Variants in DPH6 observed in about 807,000 individuals in gnomAD.
DPH6 encodes diphthamine biosynthesis 6.
DPH6 carries 33 observed loss-of-function variants against 38.2 expected under a neutral mutation model. That is an observed-to-expected ratio of 0.86 (90% confidence interval 0.65 to 1.15). DPH6 has a LOEUF of 1.15. DPH6 is among the 50% of genes most tolerant of loss of function. DPH6 has a pLI of 0.00. For synonymous variants in DPH6, 108 were observed against 103.0 expected (o/e 1.05, Z -0.30); for missense variants, 325 against 320.0 (o/e 1.02, Z -0.12).
At chr15:35,340,519 T>C (rs992023331) in intron 3 of DPH6, among the ~76,000 whole-genome samples, 1 of 152,110 alleles carries the variant, frequency 6.6e-6, no homozygotes, top group South Asian at 2.1e-4. Flanking sequence ...CTGGTAACAG[T>C]TTTTTCTTTC....
chr15:35,339,857 T>C (rs1161343389), intron 3 of DPH6, among the ~76,000 whole-genome samples: 2 of 152,188 alleles, frequency 1.3e-5, no homozygotes, highest in African/African-American at 4.8e-5. Flanking sequence ...GTACATTCTG[T>C]TGTTTTTAGG....
chr15:35,167,467 C>T, the DPH6 span, among the ~76,000 whole-genome samples: 2 of 151,364 alleles, frequency 1.3e-5, no homozygotes, highest in Non-Finnish European at 2.9e-5. Flanking sequence ...TAAAAAAGAA[C>T]CGCATTCATA....
chr15:35,520,342 T>A, intron 3 of DPH6: 1 of 983,558 alleles, frequency 1.0e-6, no homozygotes, highest in Non-Finnish European at 1.2e-6. Flanking sequence ...TTTTTCCTCA[T>A]AGACATGCAT....
chr15:35,333,318 A>G (rs1386011531), intron 3 of DPH6, among the ~76,000 whole-genome samples: 1 of 152,200 alleles, frequency 6.6e-6, no homozygotes, highest in Non-Finnish European at 1.5e-5. Flanking sequence ...GCAAAGGAGC[A>G]AAAGTATTAT....
intron 3 of DPH6, among the ~76,000 whole-genome samples, chr15:35,356,752 T>C (rs560804206): frequency 3.3e-5 from 5 of 152,312 alleles, no homozygotes; most frequent in African/African-American, 1.2e-4. Context: ...GAGGAGGCAG[T>C]CTGTCCATTC....
At chr15:35,403,930 C>A (rs1176090503) in intron 6 of DPH6, among the ~76,000 whole-genome samples, 1 of 150,802 alleles carries the variant, frequency 6.6e-6, no homozygotes, top group Non-Finnish European at 1.5e-5. Flanking sequence ...TCCATGAATT[C>A]AATTGTTTTG....
At chr15:35,191,755 C>A in the DPH6 span, among the ~76,000 whole-genome samples, 3 of 152,134 alleles carry the variant, frequency 2.0e-5, no homozygotes, top group Admixed American at 2.0e-4. Context: ...AACCCTCAGA[C>A]AATTGACTGA....
the DPH6 span, among the ~76,000 whole-genome samples, chr15:35,205,575 T>G: frequency 6.6e-6 from 1 of 152,120 alleles, no homozygotes; most frequent in Non-Finnish European, 1.5e-5. Context: ...AAATTTAGTA[T>G]AGAGTTTCTA....
intron 3 of DPH6, among the ~76,000 whole-genome samples, chr15:35,342,598 G>C (rs752275173): frequency 1.3e-5 from 2 of 152,218 alleles, no homozygotes; most frequent in African/African-American, 2.4e-5. Flanking sequence ...GACTGCAGCT[G>C]CTTCTAATTG....
chr15:35,440,746 A>C (rs1263087563), intron 5 of DPH6, among the ~76,000 whole-genome samples: 1 of 152,202 alleles, frequency 6.6e-6, no homozygotes, highest in Non-Finnish European at 1.5e-5. Flanking sequence ...GGGAGGAGCC[A>C]CCAGGAATAT....
At chr15:35,393,934 T>C (rs1425035551) in intron 6 of DPH6, among the ~76,000 whole-genome samples, 3 of 152,218 alleles carry the variant, frequency 2.0e-5, no homozygotes, top group African/African-American at 4.8e-5. Context: ...GTATGAGTAG[T>C]AGTTTTCTGG....
intron 3 of DPH6, among the ~76,000 whole-genome samples, chr15:35,352,925 C>T (rs2052527936): frequency 6.6e-6 from 1 of 152,226 alleles, no homozygotes; most frequent in Non-Finnish European, 1.5e-5. Flanking sequence ...TATTTCTCCA[C>T]ATCCTCTCCA....
chr15:35,414,978 C>T (rs946092550), intron 5 of DPH6, among the ~76,000 whole-genome samples: 1 of 151,796 alleles, frequency 6.6e-6, no homozygotes, highest in African/African-American at 2.4e-5. Flanking sequence ...ATTTCTGTTT[C>T]CCAACAGGAC....
intron 6 of DPH6, among the ~76,000 whole-genome samples, chr15:35,382,268 T>C (rs1440205628): frequency 6.6e-6 from 1 of 151,978 alleles, no homozygotes; most frequent in Non-Finnish European, 1.5e-5. Flanking sequence ...ACACCGTCTC[T>C]ACTAAAAATA....
At chr15:35,376,461 A>G (rs2140929521) in intron 7 of DPH6, among the ~76,000 whole-genome samples, 1 of 152,272 alleles carries the variant, frequency 6.6e-6, no homozygotes, top group African/African-American at 2.4e-5. Context: ...AAAAATTCCT[A>G]TCACCTAGTG....
intron 6 of DPH6, among the ~76,000 whole-genome samples, chr15:35,389,559 CTCT>C (rs1005064667): frequency 1.5e-4 from 23 of 152,212 alleles, no homozygotes; most frequent in African/African-American, 5.3e-4. Flanking sequence ...GGATAGTTAG[CTCT>C]TCTTGTTGAA....
intron 5 of DPH6, among the ~76,000 whole-genome samples, chr15:35,436,071 C>T (rs1319220789): frequency 1.3e-5 from 2 of 152,034 alleles, no homozygotes; most frequent in African/African-American, 4.8e-5. Context: ...TCTCAGGGGC[C>T]AGAGGCCCTG....
At chr15:35,419,074 C>CACACAT (rs1779280014) in intron 5 of DPH6, among the ~76,000 whole-genome samples, 1 of 151,420 alleles carries the variant, frequency 6.6e-6, no homozygotes, top group African/African-American at 2.4e-5. Context: ...CACATACACA[C>CACACAT]ACACACACAC....
the DPH6 span, among the ~76,000 whole-genome samples, chr15:35,167,254 T>C: frequency 1.3e-5 from 2 of 151,978 alleles, no homozygotes; most frequent in South Asian, 2.1e-4. Flanking sequence ...AGCAACAACT[T>C]GCATTGGTAC....
Sources: gnomAD v4.1 joint callset for allele counts (sites outside exome capture counted in the v4.1 genomes callset) on GRCh38, gnomAD v4.1.1 for gene constraint, MANE v1.5 for transcripts, NCBI Gene and HGNC (gene_info 2026-07-23, HGNC 2026-07-21) for gene names.